Variants in RANBP3L observed in about 807,000 individuals in gnomAD.
RANBP3L encodes ran-binding protein 3-like.
Under a neutral mutation model 67.2 loss-of-function variants are expected in RANBP3L, and 56 were observed. The observed-to-expected ratio is 0.83, with a 90% CI of 0.67 to 1.04. RANBP3L has a LOEUF of 1.04. RANBP3L is among the 50% of genes least tolerant of loss of function. The pLI is 0.00. For missense variants in RANBP3L, 496 were observed against 535.5 expected (o/e 0.93, Z 0.73); for synonymous variants, 164 against 181.4 (o/e 0.90, Z 0.77).
intron 4 of RANBP3L, among the ~76,000 whole-genome samples, chr5:36,266,317 T>C (rs1749784586): frequency 6.6e-6 from 1 of 152,194 alleles, no homozygotes; most frequent in Non-Finnish European, 1.5e-5. Flanking sequence ...GGTAAGACTG[T>C]GGTGGTGGCT....
intron 8 of RANBP3L, 143 bp downstream of exon 8, chr5:36,260,637 C>T (rs1749313661): frequency 1.9e-6 from 1 of 527,306 alleles, no homozygotes; most frequent in African/African-American, 2.0e-5. Context: ...GAGAATCTTT[C>T]CAGTTAAAGA....
At chr5:36,283,168 G>A (rs947780624) in intron 1 of RANBP3L, among the ~76,000 whole-genome samples, 6 of 151,814 alleles carry the variant, frequency 4.0e-5, no homozygotes, top group East Asian at 1.9e-4. Context: ...AGTAATTCTC[G>A]TGCCTCAGCC....
At chr5:36,274,089 G>A (rs1365223532) in intron 1 of RANBP3L, among the ~76,000 whole-genome samples, 2 of 152,034 alleles carry the variant, frequency 1.3e-5, no homozygotes, top group African/African-American at 4.8e-5. Flanking sequence ...CTGACCACAC[G>A]CCAGCACCAG....
chr5:36,280,540 C>T (rs532541352), intron 1 of RANBP3L, among the ~76,000 whole-genome samples: 1 of 152,062 alleles, frequency 6.6e-6, no homozygotes, highest in Non-Finnish European at 1.5e-5. Flanking sequence ...TTTGTTAAAT[C>T]GTTTCACATA....
In RANBP3L at chr5:36,255,493, C is replaced by G; in HGVS notation, c.1001G>C (p.Cys334Ser). 6.2e-7 allele frequency: 1 copy of G among 1,611,428 alleles called. No homozygotes were observed. Among genetic ancestry groups the G allele is most frequent in the Non-Finnish European group, 8.5e-7 (1 of 1,178,186 alleles). The change falls in exon 11 of 14, where the codon TGT becomes TCT. Residue 334 changes from cysteine (C) to serine (S), a missense_variant. Cys to Ser is a moderately radical substitution (Grantham distance 112). Transcript: ENST00000296604. ...ACTTAGTCTTGACTGTAATGTTCCA[C>G]AGTCAGTGCTTGCTGTGTCATTCAG... is the stretch of plus-strand genomic sequence containing the variant. Reference protein sequence around the residue: ...LRLNDTASTDCGTLQSRLIMR... With the variant: ...LRLNDTASTDSGTLQSRLIMR...
intron 1 of RANBP3L, among the ~76,000 whole-genome samples, chr5:36,297,134 G>A (rs1235152847): frequency 6.6e-6 from 1 of 151,684 alleles, no homozygotes; most frequent in Non-Finnish European, 1.5e-5. Flanking sequence ...TAAGACAGTC[G>A]ATTAATACAT....
intron 13 of RANBP3L, 62 bp downstream of exon 13, chr5:36,251,246 ATATAT>A (rs1748568370): frequency 7.6e-7 from 1 of 1,321,594 alleles, no homozygotes; most frequent in African/African-American, 1.5e-5. Flanking sequence ...AATCTACCTA[ATATAT>A]TAGGATCGTG....
At chr5:36,268,542 A>G (rs1749972168) in intron 4 of RANBP3L, among the ~76,000 whole-genome samples, 1 of 152,170 alleles carries the variant, frequency 6.6e-6, no homozygotes, top group Non-Finnish European at 1.5e-5. Flanking sequence ...AAAAATATAT[A>G]CATAGATGCT....
Position 36,256,965 on chromosome 5 carries a change from C to T in RANBP3L, c.879G>A (p.Glu293=), listed in dbSNP as rs1749023646. 1.2e-6 allele frequency: 2 copies of T among 1,612,922 alleles called. No homozygotes were observed. The highest frequency in any genetic ancestry group is 8.5e-7 in the Non-Finnish European group (1 of 1,179,330). Residue 293 remains glutamate (E), a synonymous_variant, in exon 10 of 14, where the codon GAG becomes GAA. Coordinates refer to ENST00000296604, the MANE Select transcript of RANBP3L (RefSeq NM_145000.5). Reference sequence around the variant, plus strand: ...CCTTTAACACATTATGTTCTGTTTCCTCCCCTGTTATAACATCAATTTTCT... The same window carrying T: ...CCTTTAACACATTATGTTCTGTTTCTTCCCCTGTTATAACATCAATTTTCT... ...LLEKIDVITG[E]ETEHNVLKIN...
chr5:36,272,647 T>C (rs1054064224), intron 1 of RANBP3L, among the ~76,000 whole-genome samples: 3 of 152,160 alleles, frequency 2.0e-5, no homozygotes, highest in East Asian at 1.9e-4. Context: ...TTGTTTTTGT[T>C]TTTTTGTGAG....
At chr5:36,272,717 T>A (rs2111917715) in intron 1 of RANBP3L, among the ~76,000 whole-genome samples, 1 of 152,282 alleles carries the variant, frequency 6.6e-6, no homozygotes, top group South Asian at 2.1e-4. Flanking sequence ...CAATCTTGGC[T>A]CACTACAACC....
Position 36,251,478 on chromosome 5 carries a change from A to G in RANBP3L, c.1189T>C (p.Tyr397His). The G allele has an allele frequency of 1.9e-6, 3 of 1,611,702 alleles. No individual in the cohort carries two copies. The highest frequency in any genetic ancestry group is 1.7e-4 in the Middle Eastern group (1 of 6,054). ...LIQASAQDTA[Y>H]LYAAIHHRLV... ...CGATGATGTATTGCTGCATACAAAT[A>G]TGCTGTATCTTGGGCACTGGCCTGC... The change falls in exon 13 of 14, where the codon TAT becomes CAT. Residue 397 changes from tyrosine (Y) to histidine (H), a missense_variant. Tyr to His is a moderately conservative substitution (Grantham distance 83). Transcript: ENST00000296604.
intron 8 of RANBP3L, among the ~76,000 whole-genome samples, chr5:36,259,044 A>G (rs1317842348): frequency 6.6e-6 from 1 of 152,264 alleles, no homozygotes; most frequent in Non-Finnish European, 1.5e-5. Flanking sequence ...TTTGGAAAGC[A>G]TTGTCTGACA....
chr5:36,253,957 T>C (rs1406562208), intron 11 of RANBP3L, among the ~76,000 whole-genome samples, 168 bp from the exon 12 acceptor site: 1 of 152,138 alleles, frequency 6.6e-6, no homozygotes, highest in Non-Finnish European at 1.5e-5. Context: ...CTTTATTATG[T>C]TGGGAGAACT....
chr5:36,261,504 T>C (rs1479686677), intron 7 of RANBP3L, among the ~76,000 whole-genome samples: 1 of 152,116 alleles, frequency 6.6e-6, no homozygotes, highest in East Asian at 1.9e-4. Context: ...AGATCAAACA[T>C]TTATCCATCA....
In RANBP3L at chr5:36,260,923, C is replaced by T. The variant is rs1287081810; in HGVS notation, c.585-59G>A. 4.3e-6 allele frequency: 3 copies of T among 701,242 alleles called. No homozygotes were observed. In the Admixed American group the frequency reaches 8.6e-5, roughly 20 times the overall value. The allele number at this position is 701,242 out of a possible 1,614,324, so 43.4% of individuals were successfully genotyped here. On this transcript the variant is annotated intron_variant, in intron 7 of 13. Transcript: ENST00000296604. Reference sequence around the variant, plus strand: ...ATACATAGATAAAGCCATTTTAAACCTTGAAATAATCAGATAATTTAATAG... The same window carrying T: ...ATACATAGATAAAGCCATTTTAAACTTTGAAATAATCAGATAATTTAATAG...
At chr5:36,290,726 CTTTTTTT>C (rs61105686) in intron 1 of RANBP3L, among the ~76,000 whole-genome samples, 2 of 55,432 alleles carry the variant, frequency 3.6e-5, no homozygotes, top group Admixed American at 2.9e-4. Flanking sequence ...ACAACCATGG[CTTTTTTT>C]TTTTTTTTTT....
chr5:36,249,041 G>C lies in RANBP3L; in HGVS notation c.*613C>G, dbSNP rs191127465. ...TTATTTATTCATTTAACAACTATTG[G>C]ATGCTGACCATGAGTCAAACATTGA... On this transcript the variant is annotated 3_prime_UTR_variant, in exon 14 of 14. Transcript: ENST00000296604. The C allele has an allele frequency of 6.6e-6, 1 of 151,936 alleles. No individual in the cohort carries two copies. Among genetic ancestry groups the C allele is most frequent in the South Asian group, 2.1e-4 (1 of 4,824 alleles). 9.4% of individuals were successfully genotyped at this position (151,936 alleles called of 1,614,324 possible). A position where few individuals can be genotyped will look rare whatever the true frequency, so the allele number is the denominator to read the frequency against.
chr5:36,283,740 T>C (rs1363919704), intron 1 of RANBP3L, among the ~76,000 whole-genome samples: 2 of 152,186 alleles, frequency 1.3e-5, no homozygotes, highest in East Asian at 1.9e-4. Flanking sequence ...CAGGTCATTA[T>C]AAAAATCTGA....
Sources: gnomAD v4.1 joint callset for allele counts (sites outside exome capture counted in the v4.1 genomes callset) on GRCh38, gnomAD v4.1.1 for gene constraint, MANE v1.5 for transcripts, NCBI Gene and HGNC (gene_info 2026-07-23, HGNC 2026-07-21) for gene names.